FGF12: variants seen among roughly 807,000 people sequenced by gnomAD.
FGF12 encodes fibroblast growth factor 12.
In FGF12, 14 loss-of-function variants were observed where a neutral mutation model predicts 23.6. That is an observed-to-expected ratio of 0.59 (90% confidence interval 0.39 to 0.93). The LOEUF (loss-of-function observed/expected upper bound fraction) is 0.93, where lower values mean the gene tolerates loss of function less well. Ranked by LOEUF, FGF12 falls within the 40% of genes least tolerant of loss-of-function variation. The pLI, the probability that FGF12 is intolerant of heterozygous loss-of-function variation, is 0.00. For missense variants in FGF12, 175 were observed against 217.8 expected, an observed-to-expected ratio of 0.80 and a Z score of 1.24; for synonymous variants, 62 against 77.3, an observed-to-expected ratio of 0.80 and a Z score of 1.04.
chr3:192,632,771 T>A (rs1316093297), intron 2 of FGF12, among the ~76,000 whole-genome samples: 1 of 152,180 alleles, frequency 6.6e-6, no homozygotes, highest in Admixed American at 6.5e-5. Context: ...AGGGTCATCA[T>A]AACAAAGTAG....
At chr3:192,531,397 CT>C (rs1725086590) in intron 2 of FGF12, among the ~76,000 whole-genome samples, 1 of 152,074 alleles carries the variant, frequency 6.6e-6, no homozygotes, top group Non-Finnish European at 1.5e-5. Flanking sequence ...AGCTAATAGT[CT>C]GCCTTGAGGT....
intron 2 of FGF12, among the ~76,000 whole-genome samples, chr3:192,567,793 C>CTTTCTTT (rs1553831695): frequency 7.7e-6 from 1 of 129,646 alleles, no homozygotes; most frequent in Non-Finnish European, 1.7e-5. Flanking sequence ...TTCTTTCTTT[C>CTTTCTTT]TTTCTTTCTC....
At chr3:192,645,630 A>G (rs2108670186) in intron 2 of FGF12, among the ~76,000 whole-genome samples, 1 of 152,206 alleles carries the variant, frequency 6.6e-6, no homozygotes, top group Admixed American at 6.6e-5. Flanking sequence ...TGTCTAGGGG[A>G]GAGATTCCAA....
chr3:192,641,101 CTTTTTTTTT>C (rs1164796476), intron 2 of FGF12, among the ~76,000 whole-genome samples: 1 of 56,646 alleles, frequency 1.8e-5, no homozygotes, highest in South Asian at 7.7e-4. Flanking sequence ...TGGCCTTTCA[CTTTTTTTTT>C]TTTTTTTTTT....
intron 4 of FGF12, among the ~76,000 whole-genome samples, chr3:192,212,303 C>A (rs548094954): frequency 1.3e-5 from 2 of 152,104 alleles, no homozygotes; most frequent in Non-Finnish European, 2.9e-5. Context: ...TGAATACGAA[C>A]ACTGTCATTT....
intron 4 of FGF12, among the ~76,000 whole-genome samples, chr3:192,311,043 A>T (rs1209187756): frequency 6.6e-6 from 1 of 152,204 alleles, no homozygotes; most frequent in African/African-American, 2.4e-5. Flanking sequence ...TACATAAAGA[A>T]CAATGATTTT....
intron 2 of FGF12, among the ~76,000 whole-genome samples, chr3:192,473,652 A>G (rs1378878518): frequency 1.3e-5 from 2 of 152,238 alleles, no homozygotes; most frequent in African/African-American, 4.8e-5. Context: ...TCTCTAAAAC[A>G]GGATTATACA....
At chr3:192,338,548 T>G (rs1276553086) in intron 3 of FGF12, among the ~76,000 whole-genome samples, 1 of 152,110 alleles carries the variant, frequency 6.6e-6, no homozygotes, top group Non-Finnish European at 1.5e-5. Flanking sequence ...TTGTGCCCCT[T>G]CTCAACCTTT....
intron 2 of FGF12, among the ~76,000 whole-genome samples, chr3:192,484,810 C>T (rs1426706579): frequency 6.6e-6 from 1 of 152,152 alleles, no homozygotes; most frequent in Non-Finnish European, 1.5e-5. Flanking sequence ...GTGAATGGTG[C>T]TCCCGGAACT....
intron 4 of FGF12, among the ~76,000 whole-genome samples, chr3:192,270,791 GGAAGGAAGGAAGGAAGGAAGGAAGGAAA>G (rs1446731103): frequency 4.0e-5 from 2 of 50,208 alleles, no homozygotes; most frequent in Non-Finnish European, 8.0e-5. Context: ...AAAGTGGGAA[GGAAGGAAGGAAGGAAGGAAGGAAGGAAA>G]GAAGGAAGGA....
intron 4 of FGF12, among the ~76,000 whole-genome samples, chr3:192,230,946 C>G (rs1455336708): frequency 6.6e-6 from 1 of 152,118 alleles, no homozygotes; most frequent in Non-Finnish European, 1.5e-5. Flanking sequence ...AAATTAAACA[C>G]TTTAAGCTAA....
At chr3:192,232,649 C>G (rs1034627115) in intron 4 of FGF12, among the ~76,000 whole-genome samples, 8 of 151,876 alleles carry the variant, frequency 5.3e-5, no homozygotes, top group Admixed American at 5.3e-4. Flanking sequence ...TTTTGTTACC[C>G]AGATAGTGGC....
At chr3:192,432,333 C>T (rs1721881863) in intron 2 of FGF12, among the ~76,000 whole-genome samples, 1 of 152,034 alleles carries the variant, frequency 6.6e-6, no homozygotes, top group Admixed American at 6.6e-5. Context: ...GAAGGAATGA[C>T]GGTAAGGCCA....
At chr3:192,466,006 C>T (rs1158512685) in intron 2 of FGF12, among the ~76,000 whole-genome samples, 3 of 152,114 alleles carry the variant, frequency 2.0e-5, no homozygotes, top group African/African-American at 4.8e-5. Flanking sequence ...ATCAGGCGAT[C>T]GCTACTGTGA....
At chr3:192,665,932 C>G (rs1716855426) in intron 2 of FGF12, among the ~76,000 whole-genome samples, 2 of 152,162 alleles carry the variant, frequency 1.3e-5, no homozygotes, top group Non-Finnish European at 2.9e-5. Context: ...AATTGATTCT[C>G]AAAGTTTCTA....
intron 2 of FGF12, among the ~76,000 whole-genome samples, chr3:192,539,583 A>G (rs771565911): frequency 1.1e-4 from 16 of 152,022 alleles, no homozygotes; most frequent in Non-Finnish European, 2.2e-4. Flanking sequence ...TCAATGTTCA[A>G]CAGGGATATT....
At chr3:192,281,528 A>G (rs1012371877) in intron 4 of FGF12, among the ~76,000 whole-genome samples, 1 of 152,126 alleles carries the variant, frequency 6.6e-6, no homozygotes, top group African/African-American at 2.4e-5. Flanking sequence ...GTGTGGAGAT[A>G]CTGTGGCCTG....
At chr3:192,322,919 T>G (rs901752530) in intron 4 of FGF12, among the ~76,000 whole-genome samples, 3 of 152,066 alleles carry the variant, frequency 2.0e-5, no homozygotes, top group Admixed American at 6.5e-5. Flanking sequence ...AAGATCTGAG[T>G]AGGCATTTCT....
At chr3:192,509,558 T>C (rs1358125496) in intron 2 of FGF12, among the ~76,000 whole-genome samples, 1 of 152,040 alleles carries the variant, frequency 6.6e-6, no homozygotes, top group African/African-American at 2.4e-5. Context: ...AATGACTGAG[T>C]TTTTCAGAGT....
Sources: gnomAD v4.1 joint callset for allele counts (sites outside exome capture counted in the v4.1 genomes callset) on GRCh38, gnomAD v4.1.1 for gene constraint, MANE v1.5 for transcripts, NCBI Gene and HGNC (gene_info 2026-07-23, HGNC 2026-07-21) for gene names.